The following EPC2 variants were observed in gnomAD, a reference collection of about 807,000 sequenced individuals.
The protein encoded by EPC2 is enhancer of polycomb 2, also known as enhancer of polycomb homolog 2.
A neutral mutation model predicts 92.1 loss-of-function variants in EPC2; 14 were observed. The ratio of observed to expected loss-of-function variants is 0.15; its 90% CI spans 0.10 to 0.24. EPC2 has a LOEUF of 0.24. Ranked by LOEUF, EPC2 falls within the 10% of genes least tolerant of loss-of-function variation. EPC2 has a pLI of 1.00. For missense variants in EPC2, 755 were observed against 971.5 expected, an observed-to-expected ratio of 0.78 and a Z score of 2.96; for synonymous variants, 340 against 334.7, an observed-to-expected ratio of 1.02 and a Z score of -0.17.
intron 2 of EPC2, among the ~76,000 whole-genome samples, chr2:148,737,456 G>C (rs1015490463): frequency 6.6e-6 from 1 of 152,096 alleles, no homozygotes; most frequent in South Asian, 2.1e-4. Flanking sequence ...GGCTGAGGGG[G>C]TTGCTGGAGA....
At chr2:148,721,437 G>A (rs984313493) in intron 2 of EPC2, among the ~76,000 whole-genome samples, 1 of 151,718 alleles carries the variant, frequency 6.6e-6, no homozygotes, top group Non-Finnish European at 1.5e-5. Flanking sequence ...TTGTAGCTAA[G>A]GTGTTTTTTC....
chr2:148,783,215 A>G (rs990302708), intron 11 of EPC2, among the ~76,000 whole-genome samples: 4 of 152,186 alleles, frequency 2.6e-5, no homozygotes, highest in African/African-American at 9.6e-5. Context: ...TTTTCATCCT[A>G]TTTCAGGGTT....
chr2:148,773,965 C>T (rs920326212), intron 10 of EPC2, among the ~76,000 whole-genome samples: 3 of 151,998 alleles, frequency 2.0e-5, no homozygotes, highest in Non-Finnish European at 4.4e-5. Context: ...CTTTTTCCTT[C>T]TGCTTGTTCT....
rs899338893 is a variant in EPC2 at position 148,688,312 on chromosome 2, A to G, written c.154-1902A>G. 7.9e-5 allele frequency among the ~76,000 whole-genome samples: 12 copies of G among 152,308 alleles called. No individual in the cohort carries two copies. In the East Asian group the frequency reaches 2.3e-3, roughly 29 times the overall value. ...ATTCTCAGCAAACTATTGCAAGGGC[A>G]AAAAATCAAACACCACATGTGCTCA... On this transcript the variant is annotated intron_variant, in intron 1 of 13. Transcript: ENST00000258484.
intron 2 of EPC2, among the ~76,000 whole-genome samples, chr2:148,700,426 C>G (rs1431562769): frequency 1.3e-5 from 2 of 151,934 alleles, no homozygotes; most frequent in Non-Finnish European, 2.9e-5. Flanking sequence ...TATCTAGATT[C>G]ATTTTTTTTC....
rs544961790 is a variant in EPC2 at position 148,750,252 on chromosome 2, A to G, written c.460-3675A>G. 5.3e-5 allele frequency among the ~76,000 whole-genome samples: 8 copies of G among 152,282 alleles called. No individual in the cohort carries two copies. In the East Asian group the frequency reaches 1.3e-3, roughly 26 times the overall value. ...TCCTTCTAAAATAGTCATCTCAAGC[A>G]TGAAGATCATATGTGTTTTAATGGA... is the stretch of plus-strand genomic sequence containing the variant. On this transcript the variant is annotated intron_variant, in intron 3 of 13. Transcript: ENST00000258484.
At chr2:148,717,766 T>G (rs1682288000) in intron 2 of EPC2, among the ~76,000 whole-genome samples, 1 of 152,308 alleles carries the variant, frequency 6.6e-6, no homozygotes, top group African/African-American at 2.4e-5. Flanking sequence ...TCAGGTCTAC[T>G]CTATCCAGAG....
chr2:148,665,511 C>G (rs1653480980), intron 1 of EPC2, among the ~76,000 whole-genome samples: 1 of 151,790 alleles, frequency 6.6e-6, no homozygotes, highest in Non-Finnish European at 1.5e-5. Context: ...TTTCGAAAAC[C>G]CAACAATTAG....
intron 2 of EPC2, among the ~76,000 whole-genome samples, chr2:148,704,181 G>A (rs1330731940): frequency 1.3e-5 from 2 of 152,220 alleles, no homozygotes; most frequent in Non-Finnish European, 2.9e-5. Context: ...TAAGCAAAAT[G>A]TGGCGTGTAC....
intron 1 of EPC2, among the ~76,000 whole-genome samples, chr2:148,685,141 T>C (rs907272354): frequency 1.3e-5 from 2 of 152,138 alleles, no homozygotes; most frequent in African/African-American, 4.8e-5. Context: ...CATTTATAGG[T>C]TTTAGACATT....
At chr2:148,780,678 T>TCTGCA (rs1466667681) in intron 10 of EPC2, among the ~76,000 whole-genome samples, 4 of 152,182 alleles carry the variant, frequency 2.6e-5, no homozygotes, top group Non-Finnish European at 5.9e-5. Flanking sequence ...TTCTGCATTA[T>TCTGCA]AGTAGATAGT....
chr2:148,741,844 C>T (rs1484577834), intron 2 of EPC2, among the ~76,000 whole-genome samples: 1 of 152,128 alleles, frequency 6.6e-6, no homozygotes, highest in Non-Finnish European at 1.5e-5. Context: ...CATCTGTGAA[C>T]CCCTCCTTTT....
intron 2 of EPC2, among the ~76,000 whole-genome samples, chr2:148,729,708 AG>A (rs901772358): frequency 1.3e-5 from 2 of 152,198 alleles, no homozygotes; most frequent in African/African-American, 4.8e-5. Flanking sequence ...AGAGAATAAA[AG>A]GGTCATTATC....
intron 10 of EPC2, among the ~76,000 whole-genome samples, chr2:148,774,606 CAAAAAA>C (rs913773224): frequency 9.6e-6 from 1 of 104,270 alleles, no homozygotes; most frequent in South Asian, 4.4e-4. Flanking sequence ...GACCCTGACT[CAAAAAA>C]AAAAATATAT....
At chr2:148,766,892 T>C (rs985280510) in intron 7 of EPC2, among the ~76,000 whole-genome samples, 2 of 152,166 alleles carry the variant, frequency 1.3e-5, no homozygotes, top group Non-Finnish European at 2.9e-5. Context: ...CCTTTAAGAA[T>C]GATGCTGTAG....
At chr2:148,714,169 T>C (rs1682212881) in intron 2 of EPC2, among the ~76,000 whole-genome samples, 1 of 151,588 alleles carries the variant, frequency 6.6e-6, no homozygotes, top group South Asian at 2.1e-4. Context: ...AGTATTTGAT[T>C]TTCTGTTTCT....
At chr2:148,723,369 C>T (rs75961262) in intron 2 of EPC2, among the ~76,000 whole-genome samples, 3,821 of 152,240 alleles carry the variant, frequency 0.025, 54 homozygotes, top group East Asian at 0.032. Context: ...GGTGTAAGGG[C>T]TTCCCAGTGA....
intron 4 of EPC2, among the ~76,000 whole-genome samples, chr2:148,754,827 C>T (rs544900415): frequency 1.2e-4 from 18 of 152,316 alleles, no homozygotes. Context: ...GAAACAGGAT[C>T]TCATACTGTT....
intron 2 of EPC2, among the ~76,000 whole-genome samples, chr2:148,715,324 C>T (rs573739106): frequency 4.6e-5 from 7 of 152,266 alleles, no homozygotes; most frequent in Non-Finnish European, 7.4e-5. Flanking sequence ...AGAGCCACTG[C>T]GCCCAGCCTC....
Sources: allele counts gnomAD v4.1 joint callset (sites outside exome capture counted in the v4.1 genomes callset), GRCh38; gene constraint gnomAD v4.1.1; transcripts MANE v1.5; gene names NCBI Gene and HGNC (gene_info 2026-07-23, HGNC 2026-07-21).